Variants in SYNPO2 observed in about 807,000 individuals in gnomAD.
The protein encoded by SYNPO2 is synaptopodin-2.
A neutral mutation model predicts 85.0 loss-of-function variants in SYNPO2; 56 were observed. That is an observed-to-expected ratio of 0.66 (90% CI 0.53 to 0.82). The LOEUF is 0.82. Among genes scored for constraint, SYNPO2 ranks in the 40% least tolerant of loss-of-function variants. The pLI, the probability that SYNPO2 is intolerant of heterozygous loss-of-function variation, is 0.00. For synonymous variants in SYNPO2, 602 were observed against 591.1 expected (o/e 1.02, Z -0.27); for missense variants, 1,575 against 1,534.2 (o/e 1.03, Z -0.44).
chr4:119,004,919 C>A (rs1229158503), intron 1 of SYNPO2, among the ~76,000 whole-genome samples: 4 of 151,966 alleles, frequency 2.6e-5, no homozygotes, highest in African/African-American at 9.7e-5. Context: ...GATCACCATT[C>A]TAACTGGTGT....
chr4:118,954,736 T>G (rs2149144268), intron 1 of SYNPO2, among the ~76,000 whole-genome samples: 1 of 152,324 alleles, frequency 6.6e-6, no homozygotes, highest in East Asian at 1.9e-4. Flanking sequence ...TCTCTTTCTG[T>G]CTATATAGCT....
At chr4:118,869,963 A>G (rs552444784) in intron 1 of SYNPO2, among the ~76,000 whole-genome samples, 1 of 152,248 alleles carries the variant, frequency 6.6e-6, no homozygotes, top group South Asian at 2.1e-4. Flanking sequence ...AAATAACCAC[A>G]ACAATAACAA....
At chr4:118,917,945 C>A (rs1290804019) in intron 1 of SYNPO2, among the ~76,000 whole-genome samples, 1 of 152,088 alleles carries the variant, frequency 6.6e-6, no homozygotes, top group African/African-American at 2.4e-5. Flanking sequence ...TAAATTTTTA[C>A]ATTCTGTCAC....
chr4:118,915,633 C>T (rs1441346462), intron 1 of SYNPO2, among the ~76,000 whole-genome samples: 1 of 152,102 alleles, frequency 6.6e-6, no homozygotes, highest in Non-Finnish European at 1.5e-5. Context: ...CTATTGTGAA[C>T]ACGTGTTACT....
rs527987465 is a variant in SYNPO2, at chr4:119,059,639, C to T, written c.*1705C>T. The T allele has an allele frequency of 1.4e-4, 21 of 151,594 alleles. No homozygotes were observed. Among genetic ancestry groups the T allele is most frequent in the African/African-American group, 4.8e-4 (20 of 41,380 alleles). The allele number at this position is 151,594 out of a possible 1,614,324, so 9.4% of individuals were successfully genotyped here. A position where few individuals can be genotyped will look rare whatever the true frequency, so the allele number is the denominator to read the frequency against. On this transcript the variant is annotated 3_prime_UTR_variant, in exon 5 of 5. Coordinates refer to ENST00000307142, the MANE Select transcript of SYNPO2 (RefSeq NM_133477.3). The stretch of plus-strand genomic sequence containing the variant: ...TTTTGCTTTGTGTTACTTTTTTGCT[C>T]TTGAATGTATCGTTATGATGGTCTC...
At chr4:118,997,202 T>C (rs955447687) in intron 1 of SYNPO2, among the ~76,000 whole-genome samples, 1 of 130,318 alleles carries the variant, frequency 7.7e-6, no homozygotes, top group Non-Finnish European at 1.6e-5. Flanking sequence ...ATCCCGCCAC[T>C]GCACTCCAGC....
intron 1 of SYNPO2, among the ~76,000 whole-genome samples, chr4:118,916,729 C>CTTTTT (rs199715189): frequency 5.1e-3 from 599 of 116,888 alleles, no homozygotes; most frequent in Middle Eastern, 0.011. Context: ...ATTTTTCTTT[C>CTTTTT]TTTTTTTTTT....
chr4:118,955,531 T>C lies in SYNPO2; in HGVS notation c.105+66390T>C, dbSNP rs147276928. 1.3e-4 allele frequency among the ~76,000 whole-genome samples: 20 copies of C among 152,266 alleles called. No homozygotes were observed. In the East Asian group the frequency reaches 3.9e-3, roughly 29 times the overall value. On this transcript the variant is annotated intron_variant, in intron 1 of 4. Coordinates refer to ENST00000307142, the MANE Select transcript of SYNPO2 (RefSeq NM_133477.3). The stretch of plus-strand genomic sequence containing the variant: ...GGGAAGATTCTTAGGAAGAAAACTA[T>C]TGAATTGGGCCTTCTAAAGTGGCAG...
chr4:118,860,894 A>G (rs528585997), intron 1 of SYNPO2, among the ~76,000 whole-genome samples: 133 of 151,958 alleles, frequency 8.8e-4, no homozygotes, highest in Non-Finnish European at 4.3e-4. Flanking sequence ...TTTTTTTCCT[A>G]TAGAGTTGTT....
At position 119,026,697 on chromosome 4, in the gene SYNPO2, G is replaced by T. The variant is rs769570941; in HGVS notation, c.328G>T (p.Gly110Trp). The change falls in exon 3 of 5, where the codon GGG (glycine) becomes TGG (tryptophan). Residue 110 changes from glycine (G) to tryptophan (W), a missense_variant. Coordinates refer to ENST00000307142, the MANE Select transcript of SYNPO2 (RefSeq NM_133477.3). ...CAAAAACCTCGAGCATCTCACACAT[G>T]GGGGTTATGTGGAAAGTACCACCCT... ...ENKNLEHLTH[G>W]GYVESTTLQI... The T allele has an allele frequency of 1.8e-5, 29 of 1,613,958 alleles. 1 individual carries two copies. Among genetic ancestry groups the T allele is most frequent in the Admixed American group, 3.3e-5 (2 of 59,980 alleles).
chr4:118,939,118 A>C (rs1734212947), intron 1 of SYNPO2, among the ~76,000 whole-genome samples: 1 of 152,244 alleles, frequency 6.6e-6, no homozygotes, highest in Non-Finnish European at 1.5e-5. Context: ...ATAGTCCTAA[A>C]GAAGCTGCAT....
chr4:118,955,388 T>A (rs1436713276), intron 1 of SYNPO2, among the ~76,000 whole-genome samples: 1 of 152,140 alleles, frequency 6.6e-6, no homozygotes, highest in East Asian at 1.9e-4. Context: ...AATTCAGCAA[T>A]ATGAACTGTC....
At chr4:119,051,322 T>C (rs2149200449) in intron 4 of SYNPO2, among the ~76,000 whole-genome samples, 1 of 144,160 alleles carries the variant, frequency 6.9e-6, no homozygotes, top group East Asian at 2.1e-4. Flanking sequence ...CCCGAGTAGC[T>C]GGGACTACAA....
At chr4:118,879,491 A>C (rs879336629) in intron 1 of SYNPO2, among the ~76,000 whole-genome samples, 1 of 152,168 alleles carries the variant, frequency 6.6e-6, no homozygotes, top group Admixed American at 6.5e-5. Flanking sequence ...AAGAGAGATG[A>C]TCTTTCTCTA....
intron 1 of SYNPO2, among the ~76,000 whole-genome samples, chr4:118,960,820 T>C (rs1331218031): frequency 6.6e-6 from 1 of 152,156 alleles, no homozygotes; most frequent in Admixed American, 6.5e-5. Context: ...GCATACTTGA[T>C]TCTTTCCTTC....
chr4:118,947,241 A>T (rs1734535620), intron 1 of SYNPO2, among the ~76,000 whole-genome samples: 2 of 152,186 alleles, frequency 1.3e-5, no homozygotes, highest in Admixed American at 1.3e-4. Context: ...AATGGTTTAC[A>T]TCAGGCACAA....
rs909985672 is a variant in SYNPO2, at chr4:119,059,472, C to T, written c.*1538C>T. The T allele has an allele frequency of 2.3e-4, 35 of 152,166 alleles. No individual in the cohort carries two copies. The highest frequency in any genetic ancestry group is 7.7e-4 in the African/African-American group (32 of 41,442). 9.4% of individuals were successfully genotyped at this position (152,166 alleles called of 1,614,324 possible). A position where few individuals can be genotyped will look rare whatever the true frequency, so the allele number is the denominator to read the frequency against. ...CCCATCAAATAATCAGATCAAACAC[C>T]TGCTCCTTATTGCCATACCCACGAA... On this transcript the variant is annotated 3_prime_UTR_variant, in exon 5 of 5. Transcript: ENST00000307142.
At chr4:118,977,147 G>A (rs1254562513) in intron 1 of SYNPO2, among the ~76,000 whole-genome samples, 1 of 152,232 alleles carries the variant, frequency 6.6e-6, no homozygotes, top group Non-Finnish European at 1.5e-5. Context: ...CCCATGGAGG[G>A]GGTGGGAGGC....
In SYNPO2 at chr4:119,031,681, C is replaced by G. The variant is rs1437669785; in HGVS notation, c.2906C>G (p.Pro969Arg). 6.2e-7 allele frequency: 1 copy of G among 1,614,046 alleles called. No homozygotes were observed. Among genetic ancestry groups the G allele is most frequent in the African/African-American group, 1.3e-5 (1 of 74,912 alleles). Reference protein sequence around the residue: ...LNALDVMKHQPYQLNASLFTF... With the variant: ...LNALDVMKHQRYQLNASLFTF... ...GCATTAGATGTCATGAAGCACCAAC[C>G]GTATCAGCTCAATGCATCCTTGTTT... is the stretch of plus-strand genomic sequence containing the variant. Residue 969 changes from proline (P) to arginine (R), a missense_variant, in exon 4 of 5, where the codon CCG (proline) becomes CGG (arginine). Physicochemically the swap from Pro to Arg is moderately radical, Grantham distance 103 (BLOSUM62 -2). Around this residue, in one of 3 missense-constraint regions of SYNPO2, gnomAD observed 1,508 missense variants for 1,446.8 expected, o/e 1.04. Coordinates refer to ENST00000307142, the MANE Select transcript of SYNPO2 (RefSeq NM_133477.3).
Sources: gnomAD v4.1 joint callset for allele counts (sites outside exome capture counted in the v4.1 genomes callset) on GRCh38, gnomAD v4.1.1 for gene constraint, gnomAD v4.1.1 regional missense constraint, MANE v1.5 for transcripts, NCBI Gene and HGNC (gene_info 2026-07-23, HGNC 2026-07-21) for gene names.